Variants in URI1 observed in about 807,000 individuals in gnomAD.
URI1 encodes the protein URI1 prefoldin like chaperone.
A neutral mutation model predicts 60.2 loss-of-function variants in URI1; 39 were observed. The ratio of observed to expected loss-of-function variants is 0.65; its 90% CI spans 0.50 to 0.85. URI1 has a LOEUF of 0.85. Among genes scored for constraint, URI1 ranks in the 40% least tolerant of loss-of-function variants. The pLI is 0.00. For synonymous variants in URI1, 251 were observed against 236.8 expected, an observed-to-expected ratio of 1.06 and a Z score of -0.55; for missense variants, 691 against 665.9, an observed-to-expected ratio of 1.04 and a Z score of -0.42.
chr19:29,934,754 A>G (rs1305931015), intron 1 of URI1, among the ~76,000 whole-genome samples: 1 of 152,046 alleles, frequency 6.6e-6, no homozygotes, highest in African/African-American at 2.4e-5. Flanking sequence ...ACCAGGTCTC[A>G]CTATGTTGCT....
chr19:30,008,193 A>G (rs1210065401), intron 7 of URI1, among the ~76,000 whole-genome samples: 1 of 152,166 alleles, frequency 6.6e-6, no homozygotes, highest in Non-Finnish European at 1.5e-5. Context: ...ATTAGCACAC[A>G]CTTAGAATTG....
intron 2 of URI1, among the ~76,000 whole-genome samples, chr19:29,983,982 A>G (rs902342649): frequency 6.6e-6 from 1 of 152,104 alleles, no homozygotes; most frequent in African/African-American, 2.4e-5. Flanking sequence ...ATTCTCTCTT[A>G]CCTTAATCAC....
intron 2 of URI1, among the ~76,000 whole-genome samples, chr19:29,981,217 T>G (rs1369432198): frequency 6.6e-6 from 1 of 152,158 alleles, no homozygotes; most frequent in African/African-American, 2.4e-5. Flanking sequence ...TTCAAACATA[T>G]GGAAGAGTGA....
At chr19:29,987,762 T>C (rs2055690447) in intron 4 of URI1, among the ~76,000 whole-genome samples, 1 of 152,238 alleles carries the variant, frequency 6.6e-6, no homozygotes, top group Admixed American at 6.5e-5. Flanking sequence ...AAACATGTTT[T>C]TGTAAATCAC....
At chr19:29,975,870 G>T (rs1203836902) in intron 2 of URI1, among the ~76,000 whole-genome samples, 2 of 152,042 alleles carry the variant, frequency 1.3e-5, no homozygotes, top group East Asian at 1.9e-4. Context: ...TTCAGAAATG[G>T]TTTGCATAAT....
intron 1 of URI1, among the ~76,000 whole-genome samples, chr19:29,958,877 T>C (rs534147215): frequency 3.2e-4 from 48 of 152,100 alleles, no homozygotes; most frequent in South Asian, 6.2e-4. Flanking sequence ...TGAGAATTGC[T>C]TGAACCCGGG....
chr19:29,960,149 A>G (rs576824071), intron 1 of URI1, among the ~76,000 whole-genome samples: 46 of 152,276 alleles, frequency 3.0e-4, no homozygotes, highest in African/African-American at 9.9e-4. Flanking sequence ...TAGTGTGGTC[A>G]GAGTACACAT....
At chr19:29,963,489 A>G (rs888521301) in intron 1 of URI1, among the ~76,000 whole-genome samples, 1 of 152,100 alleles carries the variant, frequency 6.6e-6, no homozygotes, top group African/African-American at 2.4e-5. Context: ...TTTAAAATAT[A>G]TTCCTTTTAT....
At chr19:29,925,571 A>T (rs1325609122) in intron 1 of URI1, 2 of 152,154 alleles carry the variant, frequency 1.3e-5, no homozygotes, top group Non-Finnish European at 2.9e-5. Flanking sequence ...GGCTGAAGAA[A>T]CTCCACAGAG....
At chr19:29,962,359 G>T (rs1599678144) in intron 1 of URI1, among the ~76,000 whole-genome samples, 8 of 123,686 alleles carry the variant, frequency 6.5e-5, no homozygotes, top group African/African-American at 1.8e-4. Flanking sequence ...CTTTTATACT[G>T]TACTTATGGT....
chr19:29,976,529 C>T (rs186983448), intron 2 of URI1, among the ~76,000 whole-genome samples: 306 of 152,200 alleles, frequency 2.0e-3, no homozygotes, highest in Non-Finnish European at 2.6e-3. Flanking sequence ...GAAGGGCCAG[C>T]GCAGATTCAC....
chr19:29,996,438 C>T (rs1335206431), intron 4 of URI1, among the ~76,000 whole-genome samples: 1 of 151,900 alleles, frequency 6.6e-6, no homozygotes, highest in East Asian at 1.9e-4. Flanking sequence ...TTGCATCCTG[C>T]AACTTTGCTG....
At chr19:29,999,372 T>A (rs1463154403) in intron 4 of URI1, among the ~76,000 whole-genome samples, 1 of 152,130 alleles carries the variant, frequency 6.6e-6, no homozygotes, top group African/African-American at 2.4e-5. Flanking sequence ...AGGAATGCCC[T>A]CAACTCTTGT....
intron 4 of URI1, among the ~76,000 whole-genome samples, chr19:30,003,292 G>T (rs994796523): frequency 6.6e-6 from 1 of 151,878 alleles, no homozygotes; most frequent in Non-Finnish European, 1.5e-5. Flanking sequence ...TAAATTTTCT[G>T]TATAGCTATC....
chr19:29,986,754 C>CT (rs1201256959), intron 4 of URI1, among the ~76,000 whole-genome samples: 2 of 152,054 alleles, frequency 1.3e-5, no homozygotes, highest in African/African-American at 4.8e-5. Flanking sequence ...CTATTATAGA[C>CT]TTATTTTTGC....
intron 4 of URI1, among the ~76,000 whole-genome samples, chr19:29,990,196 G>A (rs1315981325): frequency 6.6e-6 from 1 of 152,146 alleles, no homozygotes; most frequent in African/African-American, 2.4e-5. Flanking sequence ...TTGGCAACAA[G>A]ACCATCTTAG....
intron 1 of URI1, among the ~76,000 whole-genome samples, chr19:29,927,863 C>T (rs529576203): frequency 1.6e-4 from 24 of 152,092 alleles, no homozygotes; most frequent in South Asian, 2.1e-4. Flanking sequence ...GCGTGACCTA[C>T]GGTGCCCGGC....
intron 1 of URI1, 183 bp from the exon 2 acceptor site, chr19:29,971,010 G>A (rs1367309789): frequency 1.6e-6 from 1 of 608,770 alleles, no homozygotes; most frequent in African/African-American, 1.8e-5. Flanking sequence ...GCATTAGAGG[G>A]TTATGATAAA....
Position 29,951,601 on chromosome 19 carries a change from C to T in URI1, c.117+8937C>T, listed in dbSNP as rs546960702. ...GTTTCTTGTTGCCTAGGCTGGAGTG[C>T]GGTGGCACGATCTTGGCTCACTGCA... On this transcript the variant is annotated intron_variant, in intron 1 of 10. Coordinates refer to ENST00000392271, the MANE Select transcript of URI1 (RefSeq NM_003796.3). 9.8e-3 allele frequency among the ~76,000 whole-genome samples: 1,478 copies of T among 150,428 alleles called. 10 individuals are homozygous for T. Among genetic ancestry groups the T allele is most frequent in the Non-Finnish European group, 0.016 (1,086 of 67,750 alleles).
Sources: gnomAD v4.1 joint callset for allele counts (sites outside exome capture counted in the v4.1 genomes callset) on GRCh38, gnomAD v4.1.1 for gene constraint, MANE v1.5 for transcripts, NCBI Gene and HGNC (gene_info 2026-07-23, HGNC 2026-07-21) for gene names.